HIVEP3: variants seen among roughly 807,000 people sequenced by gnomAD.
HIVEP3 encodes the protein transcription factor HIVEP3.
In HIVEP3, 49 loss-of-function variants were observed where a neutral mutation model predicts 152.8. That is an observed-to-expected ratio of 0.32 (90% CI 0.26 to 0.41). HIVEP3 has a LOEUF of 0.41. Among genes scored for constraint, HIVEP3 ranks in the 10% least tolerant of loss-of-function variants. HIVEP3 has a pLI of 1.00. For missense variants in HIVEP3, 2,790 were observed against 3,103.3 expected, an observed-to-expected ratio of 0.90 and a Z score of 2.40; for synonymous variants, 1,269 against 1,289.0, an observed-to-expected ratio of 0.98 and a Z score of 0.33.
At chr1:41,641,392 C>T (rs1645370589) in intron 2 of HIVEP3, among the ~76,000 whole-genome samples, 1 of 152,224 alleles carries the variant, frequency 6.6e-6, no homozygotes, top group South Asian at 2.1e-4. Context: ...GGGGACCCAG[C>T]CAGGCTTCTG....
rs349420 is a variant in HIVEP3 at position 41,829,852 on chromosome 1, G to A, written c.-801+88561C>T. Among the ~76,000 whole-genome samples, 1,294 of 150,086 alleles carry A rather than the reference G, an allele frequency of 8.6e-3. 14 individuals are homozygous for A. The highest frequency in any genetic ancestry group is 0.03 in the African/African-American group (1,214 of 41,122). ...ACTTTCTCTTATAATTTCCTCACCT[G>A]TAAAGCGGAAAGATCTGTATGTAAT... On this transcript the variant is annotated intron_variant, in intron 1 of 8. Coordinates refer to ENST00000372583, the MANE Select transcript of HIVEP3 (RefSeq NM_024503.5).
chr1:41,941,129 G>A (rs942107684), intron 1 of HIVEP3, among the ~76,000 whole-genome samples: 9 of 152,178 alleles, frequency 5.9e-5, no homozygotes, highest in Admixed American at 2.0e-4. Context: ...GCTGAAACAT[G>A]CTGAAAAGTG....
Position 41,507,082 on chromosome 1 carries a change from C to T in HIVEP3, c.*3369G>A, listed in dbSNP as rs1644390867. On this transcript the variant is annotated 3_prime_UTR_variant, in exon 9 of 9. Transcript: ENST00000372583. ...CGGTCCCCAAGGACAGGTGCTCAGC[C>T]AGGACTTTTGCTTTAAGAAGGATTT... 1.3e-5 allele frequency: 2 copies of T among 152,148 alleles called. No individual in the cohort carries two copies. Among genetic ancestry groups the T allele is most frequent in the African/African-American group, 4.8e-5 (2 of 41,420 alleles). 9.4% of individuals were successfully genotyped at this position (152,148 alleles called of 1,614,324 possible). A position where few individuals can be genotyped will look rare whatever the true frequency, so the allele number is the denominator to read the frequency against.
chr1:42,008,894 A>G (rs572360804), intron 1 of HIVEP3, among the ~76,000 whole-genome samples: 1 of 152,194 alleles, frequency 6.6e-6, no homozygotes, highest in Admixed American at 6.5e-5. Context: ...ACACGTTAAA[A>G]TTTGGTAAAT....
chr1:41,645,451 C>T (rs950273580), intron 2 of HIVEP3, among the ~76,000 whole-genome samples: 1 of 152,186 alleles, frequency 6.6e-6, no homozygotes, highest in Admixed American at 6.5e-5. Flanking sequence ...TTGATCCTGC[C>T]TTCCATATTT....
At position 41,851,230 on chromosome 1, in the gene HIVEP3, T is replaced by C. The variant is rs547929052; in HGVS notation, c.-801+67183A>G. ...GGACACAGCAGATTCTCTATACATA[T>C]CTGTCTAATGAACAAATGAATGTAC... On this transcript the variant is annotated intron_variant, in intron 1 of 8. Transcript: ENST00000372583. 6.0e-5 allele frequency among the ~76,000 whole-genome samples: 9 copies of C among 150,148 alleles called. No homozygotes were observed. In the South Asian group the frequency reaches 1.7e-3, roughly 28 times the overall value.
intron 1 of HIVEP3, among the ~76,000 whole-genome samples, chr1:41,762,051 G>T (rs1647720635): frequency 1.3e-5 from 2 of 152,042 alleles, no homozygotes; most frequent in South Asian, 2.1e-4. Flanking sequence ...TCCCTAATTG[G>T]TTTTTTACAC....
rs1229782709 is a variant in HIVEP3, at chr1:41,575,887, C to A, written c.5062-198G>T. Among the ~76,000 whole-genome samples, 3 of 152,184 alleles carry A rather than the reference C, an allele frequency of 2.0e-5. No homozygotes were observed. In the East Asian group the frequency reaches 5.8e-4, roughly 29 times the overall value. ...GATCCCCAGAGAGAATTCCCTTATC[C>A]AAGGCCATGCCATTAGTTGGTGTTA... On this transcript the variant is annotated intron_variant, in intron 4 of 8. Coordinates refer to ENST00000372583, the MANE Select transcript of HIVEP3 (RefSeq NM_024503.5).
intron 5 of HIVEP3, among the ~76,000 whole-genome samples, chr1:41,566,506 G>T (rs977028432): frequency 2.0e-5 from 3 of 152,136 alleles, no homozygotes; most frequent in Non-Finnish European, 2.9e-5. Flanking sequence ...ACACCTGTCT[G>T]CTCCAGCTCA....
intron 5 of HIVEP3, among the ~76,000 whole-genome samples, chr1:41,546,634 A>T (rs1470068500): frequency 2.5e-4 from 38 of 152,346 alleles, no homozygotes; most frequent in Non-Finnish European, 2.9e-5. Context: ...TTGGCAGCAG[A>T]GCCAAGACTA....
intron 2 of HIVEP3, among the ~76,000 whole-genome samples, chr1:41,641,752 C>A (rs1228122240): frequency 3.3e-5 from 5 of 152,226 alleles, no homozygotes; most frequent in Admixed American, 1.3e-4. Flanking sequence ...GGACCTGCAG[C>A]TCTGGGTCAA....
chr1:41,526,071 G>A (rs1289696075), intron 5 of HIVEP3, among the ~76,000 whole-genome samples: 1 of 152,054 alleles, frequency 6.6e-6, no homozygotes, highest in Non-Finnish European at 1.5e-5. Context: ...GTGGCTGGGA[G>A]GAGGTGAGCA....
In HIVEP3 at chr1:41,575,825, G is replaced by C. The variant is rs371465549; in HGVS notation, c.5062-136C>G. The C allele has an allele frequency of 4.9e-5, 45 of 926,928 alleles. No individual in the cohort carries two copies. In the African/African-American group the frequency reaches 7.0e-4, roughly 14 times the overall value. 57.4% of individuals were successfully genotyped at this position (926,928 alleles called of 1,614,324 possible). A position where few individuals can be genotyped will look rare whatever the true frequency, so the allele number is the denominator to read the frequency against. ...CAATCTTCACACTCCCCCATGAAGA[G>C]GTGCTATTAGCTCCACTTTACAGAA... is the stretch of plus-strand genomic sequence containing the variant. On this transcript the variant is annotated intron_variant, in intron 4 of 8. Transcript: ENST00000372583.
At chr1:41,527,627 C>A (rs11579153) in intron 5 of HIVEP3, among the ~76,000 whole-genome samples, 1 of 122,048 alleles carries the variant, frequency 8.2e-6, no homozygotes, top group Non-Finnish European at 1.7e-5. Context: ...CCCTCACACT[C>A]GCACTCCACA....
At chr1:41,661,829 G>A (rs1645717737) in intron 2 of HIVEP3, among the ~76,000 whole-genome samples, 1 of 152,240 alleles carries the variant, frequency 6.6e-6, no homozygotes. Context: ...AGGCGCGAGT[G>A]TGCCAGAGAA....
chr1:41,671,523 C>T (rs1645876034), intron 2 of HIVEP3, among the ~76,000 whole-genome samples: 1 of 152,236 alleles, frequency 6.6e-6, no homozygotes, highest in Non-Finnish European at 1.5e-5. Flanking sequence ...CCCTGGCCAT[C>T]CTGTGTCCTC....
rs1558063215 is a variant in HIVEP3, at chr1:41,562,639, C to CTT, written c.5207+12904_5207+12905insAA. Among the ~76,000 whole-genome samples, 46 of 131,450 alleles carry CTT rather than the reference C, an allele frequency of 3.5e-4. No individual in the cohort carries two copies. In the East Asian group the frequency reaches 3.7e-3, roughly 11 times the overall value. The allele number at this position is 131,450 out of a possible 152,430, so 86.2% of individuals were successfully genotyped here. A position where few individuals can be genotyped will look rare whatever the true frequency, so the allele number is the denominator to read the frequency against. ...TCTCTCTCTCTCTCTCTCTCCCTCTCTCTCTCTTTCTTTCTTTCTTTCTTT... is the reference window on the plus strand; with the variant it reads ...TCTCTCTCTCTCTCTCTCTCCCTCTCTTTCTCTCTTTCTTTCTTTCTTTCTTT... On this transcript the variant is annotated intron_variant, in intron 5 of 8. Coordinates refer to ENST00000372583, the MANE Select transcript of HIVEP3 (RefSeq NM_024503.5).
chr1:41,801,737 C>T (rs925116103), intron 1 of HIVEP3, among the ~76,000 whole-genome samples: 1 of 151,658 alleles, frequency 6.6e-6, no homozygotes, highest in Admixed American at 6.6e-5. Context: ...GAGTGAGACT[C>T]CATCTGAAAA....
chr1:41,868,369 T>C (rs1644019778), intron 1 of HIVEP3, among the ~76,000 whole-genome samples: 2 of 152,098 alleles, frequency 1.3e-5, no homozygotes, highest in Admixed American at 1.3e-4. Context: ...GGGTGAGAGA[T>C]GGTGGCACTG....
Sources: allele counts gnomAD v4.1 joint callset (sites outside exome capture counted in the v4.1 genomes callset), GRCh38; gene constraint gnomAD v4.1.1; transcripts MANE v1.5; gene names NCBI Gene and HGNC (gene_info 2026-07-23, HGNC 2026-07-21).